Variants in LHPP observed in about 807,000 individuals in gnomAD.
LHPP encodes the protein phospholysine phosphohistidine inorganic pyrophosphate phosphatase.
Under a neutral mutation model 30.3 loss-of-function variants are expected in LHPP, and 24 were observed. That is an observed-to-expected ratio of 0.79 (90% CI 0.57 to 1.11). LHPP has a LOEUF of 1.11. Among genes scored for constraint, LHPP ranks in the 50% most tolerant of loss-of-function variants. LHPP has a pLI of 0.00. For synonymous variants in LHPP, 150 were observed against 157.1 expected (o/e 0.95, Z 0.34); for missense variants, 356 against 367.2 (o/e 0.97, Z 0.25).
At chr10:124,468,068 A>G (rs1203136264) in intron 1 of LHPP, among the ~76,000 whole-genome samples, 1 of 152,162 alleles carries the variant, frequency 6.6e-6, no homozygotes, top group African/African-American at 2.4e-5. Context: ...GGAATCCTTC[A>G]GGGAGAAGGG....
intron 6 of LHPP, among the ~76,000 whole-genome samples, chr10:124,583,493 G>T (rs928461291): frequency 5.3e-5 from 8 of 152,252 alleles, no homozygotes; most frequent in Non-Finnish European, 1.0e-4. Context: ...AGAAATACCT[G>T]AGCCTGGGTA....
intron 6 of LHPP, among the ~76,000 whole-genome samples, chr10:124,589,169 G>T (rs1948845517): frequency 6.6e-6 from 1 of 152,208 alleles, no homozygotes; most frequent in Non-Finnish European, 1.5e-5. Flanking sequence ...GCAGCCTTGG[G>T]GACAGTCCGT....
At chr10:124,542,805 C>T (rs777774738) in intron 6 of LHPP, among the ~76,000 whole-genome samples, 24 of 152,206 alleles carry the variant, frequency 1.6e-4, no homozygotes, top group Non-Finnish European at 2.9e-4. Context: ...TCTCGCCTCC[C>T]CTCACGTTCA....
At chr10:124,542,422 G>C (rs1955219983) in intron 6 of LHPP, among the ~76,000 whole-genome samples, 1 of 152,228 alleles carries the variant, frequency 6.6e-6, no homozygotes, top group East Asian at 1.9e-4. Flanking sequence ...GATGCAGCCA[G>C]CAGGTGGGAC....
At chr10:124,526,098 G>A (rs1361792943) in intron 6 of LHPP, 34 of 830,428 alleles carry the variant, frequency 4.1e-5, no homozygotes, top group Non-Finnish European at 4.8e-5. Context: ...AGGCGCTGGA[G>A]TGGTGGGACA....
At chr10:124,550,270 G>C (rs553407033) in intron 6 of LHPP, among the ~76,000 whole-genome samples, 1 of 152,358 alleles carries the variant, frequency 6.6e-6, no homozygotes, top group South Asian at 2.1e-4. Context: ...CCAGGCAGCT[G>C]CGGGGCAGGG....
At chr10:124,571,107 T>G (rs1948579034) in intron 6 of LHPP, among the ~76,000 whole-genome samples, 1 of 152,248 alleles carries the variant, frequency 6.6e-6, no homozygotes, top group South Asian at 2.1e-4. Context: ...CCTTTCACCT[T>G]CTGCCGTGAC....
chr10:124,503,465 C>A (rs1334466409), intron 5 of LHPP, among the ~76,000 whole-genome samples: 3 of 151,972 alleles, frequency 2.0e-5, no homozygotes, highest in African/African-American at 7.3e-5. Context: ...GGTTTATGAC[C>A]AAAATACTGT....
intron 6 of LHPP, among the ~76,000 whole-genome samples, chr10:124,553,701 C>T (rs907104813): frequency 9.2e-5 from 14 of 152,084 alleles, no homozygotes; most frequent in African/African-American, 2.4e-4. Context: ...CCTTGTGATC[C>T]GCCCGCCTCG....
rs1422360383 is a variant in LHPP, at chr10:124,484,101, C to T, written c.126-38C>T. ...CCTCCTTCAGAGGCCCAACACTCCA[C>T]GTGCTGACTTCCCGGGCCTGTGTCT... On this transcript the variant is annotated intron_variant, in intron 1 of 6. Coordinates refer to ENST00000368842, the MANE Select transcript of LHPP (RefSeq NM_022126.4). The T allele has an allele frequency of 4.4e-6, 7 of 1,598,918 alleles. No homozygotes were observed. In the Admixed American group the frequency reaches 5.1e-5, roughly 12 times the overall value.
intron 6 of LHPP, among the ~76,000 whole-genome samples, chr10:124,580,710 T>A (rs938910899): frequency 1.1e-5 from 1 of 91,516 alleles, no homozygotes; most frequent in Non-Finnish European, 2.0e-5. Flanking sequence ...GAACATTTTC[T>A]TTTTTTTTTT....
chr10:124,537,406 A>G (rs1955054053), intron 6 of LHPP, among the ~76,000 whole-genome samples: 1 of 152,234 alleles, frequency 6.6e-6, no homozygotes, highest in Non-Finnish European at 1.5e-5. Context: ...GGGATCAGAG[A>G]TAGCGGGCAG....
In LHPP at chr10:124,602,968, A is replaced by C. The variant is rs1489784419; in HGVS notation, c.717-10296A>C. On this transcript the variant is annotated intron_variant, in intron 6 of 6. Coordinates refer to ENST00000368842, the MANE Select transcript of LHPP (RefSeq NM_022126.4). ...ACCCCACCTCACTCTTAGCTCTGAG[A>C]CACCCTTGTCAGGCCTCCTGGACAG... Among the ~76,000 whole-genome samples the C allele has an allele frequency of 2.0e-5, 3 of 152,254 alleles. No individual in the cohort carries two copies. The South Asian group carries it at 6.2e-4, about 32-fold the overall frequency.
At chr10:124,477,630 C>CTACTGTGCTGGGTACTGGG (rs373960131) in intron 1 of LHPP, among the ~76,000 whole-genome samples, 85 of 152,334 alleles carry the variant, frequency 5.6e-4, no homozygotes, top group African/African-American at 1.9e-3. Flanking sequence ...AGTAAAGCAC[C>CTACTGTGCTGGGTACTGGG]TACTGTGCTG....
At chr10:124,483,105 A>G (rs995080532) in intron 1 of LHPP, among the ~76,000 whole-genome samples, 8 of 151,988 alleles carry the variant, frequency 5.3e-5, no homozygotes, top group African/African-American at 1.9e-4. Flanking sequence ...TCAGGAGGGA[A>G]GAAGCTCGGT....
At position 124,533,186 on chromosome 10, in the gene LHPP, G is replaced by A. The variant is rs1224158751; in HGVS notation, c.716+15915G>A. Among the ~76,000 whole-genome samples, 4 of 152,328 alleles carry A rather than the reference G, an allele frequency of 2.6e-5. No individual in the cohort carries two copies. The East Asian group carries it at 5.8e-4, about 22-fold the overall frequency. The stretch of plus-strand genomic sequence containing the variant: ...TGCAGGCATCTGAGATATTCCTGAG[G>A]GCAGATTCAGCCAGGCCAACACTTC... On this transcript the variant is annotated intron_variant, in intron 6 of 6. Coordinates refer to ENST00000368842, the MANE Select transcript of LHPP (RefSeq NM_022126.4).
intron 6 of LHPP, among the ~76,000 whole-genome samples, chr10:124,540,155 G>A (rs1396300357): frequency 1.3e-5 from 2 of 152,196 alleles, no homozygotes; most frequent in East Asian, 1.9e-4. Flanking sequence ...GCGCCGTGCT[G>A]TTTCTGTGTC....
intron 6 of LHPP, among the ~76,000 whole-genome samples, chr10:124,607,117 C>G (rs907895899): frequency 6.6e-6 from 1 of 152,194 alleles, no homozygotes; most frequent in African/African-American, 2.4e-5. Context: ...GGATGGTCTG[C>G]GGCCCCTCCT....
chr10:124,497,762 C>G (rs754293089), intron 4 of LHPP, among the ~76,000 whole-genome samples: 10 of 152,138 alleles, frequency 6.6e-5, no homozygotes, highest in Non-Finnish European at 1.3e-4. Flanking sequence ...CCCTTGGGAG[C>G]CCTGTAGTTT....
Sources: gnomAD v4.1 joint callset for allele counts (sites outside exome capture counted in the v4.1 genomes callset) on GRCh38, gnomAD v4.1.1 for gene constraint, MANE v1.5 for transcripts, NCBI Gene and HGNC (gene_info 2026-07-23, HGNC 2026-07-21) for gene names.